CASP1: variants seen among roughly 807,000 people sequenced by gnomAD.
The protein encoded by CASP1 is caspase-1.
Under a neutral mutation model 41.2 loss-of-function variants are expected in CASP1, and 31 were observed. The ratio of observed to expected loss-of-function variants is 0.75; its 90% confidence interval spans 0.57 to 1.02. The LOEUF (loss-of-function observed/expected upper bound fraction) is 1.02. Among genes scored for constraint, CASP1 ranks in the 50% least tolerant of loss-of-function variants. The pLI is 0.00. For missense variants in CASP1, 490 were observed against 495.7 expected (o/e 0.99, Z 0.11); for synonymous variants, 163 against 166.5 (o/e 0.98, Z 0.16).
intron 7 of CASP1, among the ~76,000 whole-genome samples, chr11:105,028,274 A>G (rs1190147971): frequency 6.6e-6 from 1 of 152,132 alleles, no homozygotes; most frequent in Non-Finnish European, 1.5e-5. Context: ...AGAAAACTTA[A>G]CTATTTGAGC....
At chr11:105,030,787 G>A (rs1304549712) in intron 4 of CASP1, 6 of 399,346 alleles carry the variant, frequency 1.5e-5, no homozygotes, top group Non-Finnish European at 2.7e-5. Flanking sequence ...AAAACTGATT[G>A]TTCCAATTTC....
At chr11:105,033,907 G>T (rs892737814) in intron 2 of CASP1, 1 of 694,952 alleles carries the variant, frequency 1.4e-6, no homozygotes, top group Non-Finnish European at 2.7e-6. Context: ...ATTTTGCCTT[G>T]CCAGGAACAC....
Position 105,034,162 on chromosome 11 carries a change from G to A in CASP1, c.274+46C>T, listed in dbSNP as rs538383743. ...AGTAAAGAAATCAAATGTTAGGCAC[G>A]AAGACAGGCCCTAGGTGAACTTGAG... On this transcript the variant is annotated intron_variant, in intron 2 of 8. Transcript: ENST00000533400. The A allele has an allele frequency of 8.7e-6, 14 of 1,613,206 alleles. No homozygotes were observed. The East Asian group carries it at 1.3e-4, about 15-fold the overall frequency.
At chr11:105,026,761 G>A in intron 8 of CASP1, 81 bp downstream of exon 8, 1 of 800,228 alleles carries the variant, frequency 1.2e-6, no homozygotes, top group African/African-American at 1.7e-5. Context: ...AAACTTGTCT[G>A]GATCTGCTTT....
At chr11:105,027,667 T>C (rs1354557496) in intron 7 of CASP1, among the ~76,000 whole-genome samples, 2 of 152,074 alleles carry the variant, frequency 1.3e-5, no homozygotes, top group African/African-American at 4.8e-5. Flanking sequence ...GGTCATAAAG[T>C]ATATATTGAT....
intron 3 of CASP1, among the ~76,000 whole-genome samples, chr11:105,032,545 A>G (rs1310102127): frequency 6.6e-6 from 1 of 152,166 alleles, no homozygotes; most frequent in Non-Finnish European, 1.5e-5. Context: ...TCTTTAATAA[A>G]ATAATAGAAG....
At chr11:105,030,634 G>C (rs934564468) in intron 4 of CASP1, 131 bp from the exon 5 acceptor site, 2 of 713,536 alleles carry the variant, frequency 2.8e-6, no homozygotes, top group Non-Finnish European at 4.6e-6. Context: ...CATTGAAAAG[G>C]GGGAACAGAA....
upstream of CASP1, chr11:105,035,299 T>C (rs1441402303): frequency 2.6e-6 from 2 of 755,976 alleles, no homozygotes; most frequent in African/African-American, 3.5e-5. Context: ...GGAAATTTTC[T>C]TCACCAGCCC....
upstream of CASP1, chr11:105,035,270 A>C: frequency 9.8e-7 from 1 of 1,019,474 alleles, no homozygotes; most frequent in Non-Finnish European, 1.5e-6. Flanking sequence ...TGTAGCCTGC[A>C]TCAGGTAGTG....
chr11:105,034,675 A>G (rs1863914107), intron 1 of CASP1: 2 of 855,074 alleles, frequency 2.3e-6, no homozygotes, highest in South Asian at 1.8e-5. Flanking sequence ...TGACCTGAAG[A>G]CTGAGTTTAC....
At chr11:105,027,257 A>G (rs1453611706) in intron 7 of CASP1, 1 of 563,800 alleles carries the variant, frequency 1.8e-6, no homozygotes. Flanking sequence ...GAGGTCACGC[A>G]AGTGTTTGAG....
At chr11:105,033,244 A>T in intron 2 of CASP1, 118 bp from the exon 3 acceptor site, 1 of 603,732 alleles carries the variant, frequency 1.7e-6, no homozygotes, top group Non-Finnish European at 2.9e-6. Flanking sequence ...ACTGACTGAC[A>T]TTAAATAATG....
intron 7 of CASP1, among the ~76,000 whole-genome samples, chr11:105,028,254 A>G (rs1283950862): frequency 6.6e-6 from 1 of 152,150 alleles, no homozygotes; most frequent in African/African-American, 2.4e-5. Context: ...CTCATTTTAG[A>G]AAATATTTTA....
intron 2 of CASP1, among the ~76,000 whole-genome samples, chr11:105,033,506 C>T (rs896204158): frequency 2.0e-5 from 3 of 152,200 alleles, no homozygotes; most frequent in African/African-American, 4.8e-5. Context: ...ATCCTCACCA[C>T]GTGGTAGGTC....
At chr11:105,033,204 C>CA in intron 2 of CASP1, 78 bp from the exon 3 acceptor site, 1 of 769,642 alleles carries the variant, frequency 1.3e-6, no homozygotes, top group East Asian at 2.6e-5. Context: ...AAACACTCCC[C>CA]ACTAAAAATT....
At chr11:105,031,978 G>C (rs1227892370) in intron 3 of CASP1, among the ~76,000 whole-genome samples, 1 of 152,098 alleles carries the variant, frequency 6.6e-6, no homozygotes. Flanking sequence ...AAATCCTTGA[G>C]CCTTTTATTT....
At position 105,034,208 on chromosome 11, in the gene CASP1, C is replaced by T. The variant is rs756756028; in HGVS notation, c.274G>A (p.Asp92Asn). Reference protein sequence around the residue: ...YLAGTLGLSADQTSGNYLNMQ... With the variant: ...YLAGTLGLSANQTSGNYLNMQ... ...TTGAGTGTAAGTCACTGACCCTTAC[C>T]TGCTGAGAGTCCCAGCGTCCCTGCC... Residue 92 changes from aspartate (D) to asparagine (N), a missense_variant and splice_region_variant, in exon 2 of 9, where the codon GAT (aspartate) becomes AAT (asparagine). By Grantham distance (23) the Asp-to-Asn change is conservative (BLOSUM62 1). Coordinates refer to ENST00000533400, the MANE Select transcript of CASP1 (RefSeq NM_001257118.3). The T allele has an allele frequency of 3.7e-6, 6 of 1,614,078 alleles. No individual in the cohort carries two copies. The East Asian group carries it at 1.1e-4, about 30-fold the overall frequency.
chr11:105,030,280 C>G, intron 5 of CASP1, 50 bp downstream of exon 5: 1 of 1,403,208 alleles, frequency 7.1e-7, no homozygotes, highest in Non-Finnish European at 9.8e-7. Context: ...TAATATTATT[C>G]AGTTATACGA....
At chr11:105,033,304 A>G (rs1243911095) in intron 2 of CASP1, among the ~76,000 whole-genome samples, 178 bp from the exon 3 acceptor site, 1 of 152,214 alleles carries the variant, frequency 6.6e-6, no homozygotes, top group Non-Finnish European at 1.5e-5. Flanking sequence ...AAAATGAAAG[A>G]GGCATTGGTA....
Sources: gnomAD v4.1 joint callset for allele counts (sites outside exome capture counted in the v4.1 genomes callset) on GRCh38, gnomAD v4.1.1 for gene constraint, MANE v1.5 for transcripts, NCBI Gene and HGNC (gene_info 2026-07-23, HGNC 2026-07-21) for gene names.